Variants in DNM2 observed in about 807,000 individuals in gnomAD.
DNM2 encodes dynamin-2.
DNM2 carries 15 observed loss-of-function variants against 99.0 expected under a neutral mutation model. The observed-to-expected ratio is 0.15, with a 90% CI of 0.10 to 0.23. DNM2 has a LOEUF of 0.23. DNM2 is among the 10% of genes least tolerant of loss of function. DNM2 has a pLI of 1.00. For missense variants in DNM2, 742 were observed against 1,189.4 expected (o/e 0.62, Z 5.53); for synonymous variants, 525 against 481.2 (o/e 1.09, Z -1.19).
chr19:10,831,552 G>A lies in DNM2; in HGVS notation c.*505G>A, dbSNP rs2073348138. On this transcript the variant is annotated 3_prime_UTR_variant, in exon 21 of 21. Transcript: ENST00000389253. This position sits in a 1 kb window ranked among gnomAD's most constrained non-coding sequence, Gnocchi z 4.3. ...AGTGCCCAGCTGGCAGGCCTGAGGT[G>A]TACATAGTCCTTCCCGGCCATATTA... 1 of 986,424 alleles carries A rather than the reference G, an allele frequency of 1.0e-6. No individual in the cohort carries two copies. The highest frequency in any genetic ancestry group is 4.7e-5 in the South Asian group (1 of 21,340). 61.1% of individuals were successfully genotyped at this position (986,424 alleles called of 1,614,324 possible).
chr19:10,786,457 C>T (rs2071561862), intron 6 of DNM2, 107 bp from the exon 7 acceptor site: 8 of 1,554,712 alleles, frequency 5.1e-6, no homozygotes, highest in African/African-American at 1.4e-5. Context: ...GTGTGGTGGC[C>T]GCATAGTGGC....
chr19:10,758,673 A>C (rs992168164), intron 1 of DNM2, among the ~76,000 whole-genome samples: 1 of 150,744 alleles, frequency 6.6e-6, no homozygotes, highest in African/African-American at 2.4e-5. Flanking sequence ...CAGCCTCCTG[A>C]GTAGCTGGGA....
Position 10,795,924 on chromosome 19 carries a change from G to A in DNM2, c.1196+485G>A. On this transcript the variant is annotated intron_variant, in intron 9 of 20. Transcript: ENST00000389253. The surrounding 1 kb of genome is among the most constrained non-coding windows in gnomAD (Gnocchi z 4.2). ...GTCACCCTGAGGGTTTCCGGGCAGT[G>A]GACTCAGGCATCCGACCCCACACAT... 2.1e-6 allele frequency: 3 copies of A among 1,452,756 alleles called. No homozygotes were observed. The highest frequency in any genetic ancestry group is 2.9e-6 in the Non-Finnish European group (3 of 1,048,384). The allele number at this position is 1,452,756 out of a possible 1,614,324, so 90.0% of individuals were successfully genotyped here. A position where few individuals can be genotyped will look rare whatever the true frequency, so the allele number is the denominator to read the frequency against.
intron 5 of DNM2, 93 bp from the exon 6 acceptor site, chr19:10,782,867 G>T: frequency 6.4e-7 from 1 of 1,567,472 alleles, no homozygotes; most frequent in Non-Finnish European, 8.8e-7. Context: ...CGTGGGACAG[G>T]ATCCATCTCT....
At chr19:10,748,482 C>G (rs1276123392) in intron 1 of DNM2, among the ~76,000 whole-genome samples, 1 of 152,122 alleles carries the variant, frequency 6.6e-6, no homozygotes, top group Non-Finnish European at 1.5e-5. Flanking sequence ...ACTGTGTGGG[C>G]CGAGCACTGT....
In DNM2 at chr19:10,730,917, A is replaced by G. The variant is rs943848385; in HGVS notation, c.161+12514A>G. On this transcript the variant is annotated intron_variant, in intron 1 of 20. Transcript: ENST00000389253. ...TTTGGATAAATCTGAACACGCTCCCATGGCAGACCTATGGGGCGGTAGACA... is the reference window on the plus strand; with the variant it reads ...TTTGGATAAATCTGAACACGCTCCCGTGGCAGACCTATGGGGCGGTAGACA... Among the ~76,000 whole-genome samples, 5 of 152,290 alleles carry G rather than the reference A, an allele frequency of 3.3e-5. No homozygotes were observed. The East Asian group carries it at 9.7e-4, about 29-fold the overall frequency.
chr19:10,813,482 T>A (rs117911564), intron 15 of DNM2, among the ~76,000 whole-genome samples: 1,874 of 152,336 alleles, frequency 0.012, 17 homozygotes, highest in Non-Finnish European at 0.021. Flanking sequence ...TTGGTATTCC[T>A]CATTTTCCTG....
At position 10,718,218 on chromosome 19, in the gene DNM2, G is replaced by C; in HGVS notation, c.-25G>C. On this transcript the variant is annotated 5_prime_UTR_variant, in exon 1 of 21. Transcript: ENST00000389253. ...CGGCGGCGGGCGAGGAGCGCAGGGC[G>C]CTCGGGCCGGGGGCCGCCGGCGCCA... The C allele has an allele frequency of 2.8e-6, 4 of 1,449,846 alleles. No individual in the cohort carries two copies. The highest frequency in any genetic ancestry group is 2.5e-5 in the Admixed American group (1 of 39,940). 89.8% of individuals were successfully genotyped at this position (1,449,846 alleles called of 1,614,324 possible). A position where few individuals can be genotyped will look rare whatever the true frequency, so the allele number is the denominator to read the frequency against.
At position 10,718,118 on chromosome 19, in the gene DNM2, A is replaced by G. The variant is rs1468696754; in HGVS notation, c.-125A>G. 9.0e-7 allele frequency: 1 copy of G among 1,107,162 alleles called. No individual in the cohort carries two copies. Among genetic ancestry groups the G allele is most frequent in the East Asian group, 3.5e-5 (1 of 28,696 alleles). 68.6% of individuals were successfully genotyped at this position (1,107,162 alleles called of 1,614,324 possible). ...GCGGCGACCGTGAGGCCGAGCCGGGAGCGGGCGTCTTGCCGAGGCCCGGGC... is the reference window on the plus strand; with the variant it reads ...GCGGCGACCGTGAGGCCGAGCCGGGGGCGGGCGTCTTGCCGAGGCCCGGGC... On this transcript the variant is annotated 5_prime_UTR_variant, in exon 1 of 21. Coordinates refer to ENST00000389253, the MANE Select transcript of DNM2 (RefSeq NM_001005361.3).
chr19:10,825,531 C>T (rs1264536571), intron 18 of DNM2, among the ~76,000 whole-genome samples: 1 of 152,070 alleles, frequency 6.6e-6, no homozygotes, highest in Non-Finnish European at 1.5e-5. Flanking sequence ...TAGCCGGGCA[C>T]GGTAGCTCAC....
rs1046277483 is a variant in DNM2 at position 10,830,586 on chromosome 19, C to T, written c.2543+208C>T. ...CAGAGTAGCGGAGCCCTGGTGACTC[C>T]GGGGCTCCCAGCTTGCCCTCTGCCT... On this transcript the variant is annotated intron_variant, in intron 20 of 20. Coordinates refer to ENST00000389253, the MANE Select transcript of DNM2 (RefSeq NM_001005361.3). The surrounding 1 kb of genome is among the most constrained non-coding windows in gnomAD (Gnocchi z 4.8). 11 of 665,840 alleles carry T rather than the reference C, an allele frequency of 1.7e-5. No individual in the cohort carries two copies. The highest frequency in any genetic ancestry group is 3.6e-5 in the African/African-American group (2 of 55,030). 41.2% of individuals were successfully genotyped at this position (665,840 alleles called of 1,614,324 possible). A position where few individuals can be genotyped will look rare whatever the true frequency, so the allele number is the denominator to read the frequency against.
intron 1 of DNM2, 96 bp from the exon 2 acceptor site, chr19:10,759,642 A>C: frequency 6.6e-7 from 1 of 1,524,996 alleles, no homozygotes; most frequent in South Asian, 1.1e-5. Context: ...AGGTCGCCCA[A>C]ATTGCAAGAC....
intron 1 of DNM2, among the ~76,000 whole-genome samples, chr19:10,738,713 A>C (rs572535965): frequency 2.6e-5 from 4 of 151,908 alleles, no homozygotes; most frequent in Admixed American, 6.6e-5. Flanking sequence ...AATACAAAAA[A>C]AAGTTAGTTA....
intron 16 of DNM2, among the ~76,000 whole-genome samples, chr19:10,823,022 G>A (rs1289352236): frequency 7.0e-6 from 1 of 143,702 alleles, no homozygotes; most frequent in Non-Finnish European, 1.5e-5. Flanking sequence ...GGAGAATGGT[G>A]TGAACCCGGG....
intron 1 of DNM2, among the ~76,000 whole-genome samples, chr19:10,745,560 G>GGT (rs1430813020): frequency 6.6e-6 from 1 of 152,186 alleles, no homozygotes; most frequent in African/African-American, 2.4e-5. Flanking sequence ...AGCTGGGCGT[G>GGT]GTGGCAAGTG....
intron 18 of DNM2, among the ~76,000 whole-genome samples, chr19:10,827,270 A>G (rs1205905316): frequency 1.3e-5 from 2 of 152,120 alleles, no homozygotes; most frequent in Non-Finnish European, 2.9e-5. Context: ...TGACCCTGCA[A>G]GTTTACTTTT....
intron 1 of DNM2, among the ~76,000 whole-genome samples, chr19:10,742,388 A>G (rs1426672611): frequency 1.3e-5 from 2 of 152,120 alleles, no homozygotes; most frequent in Admixed American, 1.3e-4. Context: ...ACCCTCATGA[A>G]CTAGTGAACT....
At chr19:10,783,705 A>ATTTTTTTT (rs1020896849) in intron 6 of DNM2, among the ~76,000 whole-genome samples, 2 of 145,326 alleles carry the variant, frequency 1.4e-5, no homozygotes, top group African/African-American at 2.6e-5. Flanking sequence ...TATTATTATT[A>ATTTTTTTT]TTTTTTATTT....
Position 10,812,352 on chromosome 19 carries a change from C to T in DNM2, c.1646C>T (p.Ser549Leu). ...KEYWFVLTAE[S>L]LSWYKDEEEK... ...TACTGGTTTGTGCTGACTGCCGAGT[C>T]ACTGTCCTGGTACAAGGATGAGGAG... The change falls in exon 15 of 21, where the codon TCA (serine) becomes TTA (leucine). Residue 549 changes from serine to leucine, a missense_variant. Ser to Leu is a moderately radical substitution (Grantham distance 145, BLOSUM62 -2). Around this residue, in one of 7 missense-constraint regions of DNM2, gnomAD observed 240 missense variants for 431.3 expected, o/e 0.56. Transcript: ENST00000389253. This position sits in a 1 kb window ranked among gnomAD's most constrained non-coding sequence, Gnocchi z 4.0. 2 of 1,609,802 alleles carry T rather than the reference C, an allele frequency of 1.2e-6. No homozygotes were observed. The highest frequency in any genetic ancestry group is 1.7e-6 in the Non-Finnish European group (2 of 1,177,646).
Sources: allele counts gnomAD v4.1 joint callset (sites outside exome capture counted in the v4.1 genomes callset), GRCh38; gene constraint gnomAD v4.1.1; regional missense constraint gnomAD v4.1.1; non-coding constraint Gnocchi (gnomAD v3.1); transcripts MANE v1.5; gene names NCBI Gene and HGNC (gene_info 2026-07-23, HGNC 2026-07-21).